DPP6: variants seen among roughly 807,000 people sequenced by gnomAD.
DPP6 encodes the protein dipeptidyl peptidase like 6.
DPP6 carries 69 observed loss-of-function variants against 122.6 expected under a neutral mutation model. The ratio of observed to expected loss-of-function variants is 0.56; its 90% CI spans 0.46 to 0.69. The LOEUF is 0.69. Ranked by LOEUF, DPP6 falls within the 30% of genes least tolerant of loss-of-function variation. The pLI, the probability that DPP6 is intolerant of heterozygous loss-of-function variation, is 0.00. For synonymous variants in DPP6, 418 were observed against 433.1 expected, an observed-to-expected ratio of 0.97 and a Z score of 0.43; for missense variants, 928 against 1,116.9, an observed-to-expected ratio of 0.83 and a Z score of 2.41.
intron 7 of DPP6, among the ~76,000 whole-genome samples, chr7:154,702,165 C>T (rs1840567823): frequency 1.3e-5 from 2 of 152,196 alleles, no homozygotes; most frequent in South Asian, 4.1e-4. Context: ...AGGTGGCAAA[C>T]GTAATAAACA....
rs527591471 is a variant in DPP6 at position 154,308,162 on chromosome 7, T to G, written c.244-138052T>G. On this transcript the variant is annotated intron_variant, in intron 1 of 25. Transcript: ENST00000377770. ...GTGAACAGAGGAAAGTGAGTTTCTTTACCAGCCTTGGTATTTGGAAACCAG... is the reference window on the plus strand; with the variant it reads ...GTGAACAGAGGAAAGTGAGTTTCTTGACCAGCCTTGGTATTTGGAAACCAG... Among the ~76,000 whole-genome samples, 11 of 152,250 alleles carry G rather than the reference T, an allele frequency of 7.2e-5. No individual in the cohort carries two copies. In the East Asian group the frequency reaches 1.7e-3, roughly 24 times the overall value.
chr7:154,888,477 C>T (rs1377204117), intron 23 of DPP6, among the ~76,000 whole-genome samples: 2 of 152,182 alleles, frequency 1.3e-5, no homozygotes, highest in East Asian at 1.9e-4. Context: ...CTGTCAGACA[C>T]GGCATTTCTC....
intron 2 of DPP6, among the ~76,000 whole-genome samples, chr7:154,467,076 G>C (rs147161848): frequency 5.5e-4 from 84 of 152,280 alleles, no homozygotes; most frequent in Non-Finnish European, 1.1e-3. Flanking sequence ...CAAAAAGGGA[G>C]AAAAAGGAGT....
the DPP6 span, among the ~76,000 whole-genome samples, chr7:153,851,061 A>G: frequency 6.6e-6 from 1 of 152,140 alleles, no homozygotes; most frequent in African/African-American, 2.4e-5. Context: ...TAACATTTCT[A>G]TTTACACCTA....
rs569157179 is a variant in DPP6 at position 154,688,840 on chromosome 7, C to T, written c.762+19399C>T. ...TTTTGGCAACACCCACACAGACACA[C>T]CCAAGATTAATACTTTGTATCCCTC... On this transcript the variant is annotated intron_variant, in intron 7 of 25. Transcript: ENST00000377770. Among the ~76,000 whole-genome samples the T allele has an allele frequency of 1.8e-3, 278 of 152,316 alleles. 1 individual carries two copies. The highest frequency in any genetic ancestry group is 0.014 in the Middle Eastern group (4 of 294).
chr7:154,603,656 CAAAAAAA>C lies in DPP6; in HGVS notation c.628-34144_628-34138del, dbSNP rs779501891. On this transcript the variant is annotated intron_variant, in intron 5 of 25. Transcript: ENST00000377770. ...GGGTGACGAGAGTGAAACTCTGTCT[CAAAAAAA>C]AAAAAAAAAAAAAAAAAAAATTATT... 1.3e-3 allele frequency among the ~76,000 whole-genome samples: 32 copies of C among 24,976 alleles called. 1 individual carries two copies. The highest frequency in any genetic ancestry group is 3.2e-3 in the African/African-American group (29 of 9,022). 16.4% of individuals were successfully genotyped at this position (24,976 alleles called of 152,430 possible).
At chr7:154,194,371 A>G (rs918110160) in intron 1 of DPP6, among the ~76,000 whole-genome samples, 1 of 152,236 alleles carries the variant, frequency 6.6e-6, no homozygotes, top group Non-Finnish European at 1.5e-5. Context: ...CTCTTTTTGA[A>G]CAGTTTTATT....
intron 3 of DPP6, among the ~76,000 whole-genome samples, chr7:154,522,322 C>T (rs1381891691): frequency 2.6e-5 from 4 of 152,172 alleles, no homozygotes; most frequent in African/African-American, 7.2e-5. Context: ...TAGTGAACCT[C>T]CCAGTCAGGT....
chr7:154,613,619 C>CAAAAAAAAAA (rs749561005), intron 5 of DPP6, among the ~76,000 whole-genome samples: 11 of 51,830 alleles, frequency 2.1e-4, no homozygotes, highest in African/African-American at 1.0e-3. Context: ...GACTCTGTCT[C>CAAAAAAAAAA]AAAAAAAAAA....
intron 7 of DPP6, among the ~76,000 whole-genome samples, chr7:154,673,297 G>A (rs2131124748): frequency 6.6e-6 from 1 of 152,334 alleles, no homozygotes; most frequent in Non-Finnish European, 1.5e-5. Flanking sequence ...AGAGCTTTGG[G>A]AACATGTAGC....
At chr7:154,499,579 C>A (rs1825049678) in intron 3 of DPP6, among the ~76,000 whole-genome samples, 3 of 152,014 alleles carry the variant, frequency 2.0e-5, no homozygotes, top group Admixed American at 2.0e-4. Context: ...TTTATAGGTC[C>A]TTTAGGACAC....
chr7:154,270,960 T>C (rs949744785), intron 1 of DPP6, among the ~76,000 whole-genome samples: 3 of 152,188 alleles, frequency 2.0e-5, no homozygotes, highest in African/African-American at 7.2e-5. Flanking sequence ...CCTTCACTTC[T>C]AAAAGCAAGG....
chr7:153,850,532 C>A, the DPP6 span, among the ~76,000 whole-genome samples: 2 of 152,156 alleles, frequency 1.3e-5, no homozygotes, highest in African/African-American at 2.4e-5. Context: ...CCTATTCATT[C>A]TCAAGGAGAA....
chr7:154,659,000 C>G (rs527926525), intron 6 of DPP6, among the ~76,000 whole-genome samples: 14 of 152,320 alleles, frequency 9.2e-5, no homozygotes, highest in African/African-American at 3.4e-4. Context: ...GGGATTGGAG[C>G]AGAGGATGAA....
rs374951635 is a variant in DPP6 at position 154,872,576 on chromosome 7, G to T, written c.1814-48G>T. 8.8e-5 allele frequency: 137 copies of T among 1,560,110 alleles called. 2 individuals are homozygous for T. In the East Asian group the frequency reaches 3.3e-3, roughly 37 times the overall value. ...CACCCAAGGGCATGCCCGATACCCCGTGGCCAGCATTGCCCCCTAACCCGT... is the reference window on the plus strand; with the variant it reads ...CACCCAAGGGCATGCCCGATACCCCTTGGCCAGCATTGCCCCCTAACCCGT... On this transcript the variant is annotated intron_variant, in intron 18 of 25. Transcript: ENST00000377770.
intron 1 of DPP6, among the ~76,000 whole-genome samples, chr7:154,227,414 G>A (rs1242883449): frequency 1.3e-5 from 2 of 152,014 alleles, no homozygotes; most frequent in Non-Finnish European, 2.9e-5. Flanking sequence ...AGGGAAAGTG[G>A]GGAGTTGCTC....
intron 1 of DPP6, among the ~76,000 whole-genome samples, chr7:154,369,752 C>G (rs920287474): frequency 2.6e-5 from 4 of 152,214 alleles, no homozygotes; most frequent in Admixed American, 2.0e-4. Context: ...CCCAGCTGGC[C>G]TCTCTGTGCC....
intron 1 of DPP6, among the ~76,000 whole-genome samples, chr7:154,397,992 A>G (rs1170698097): frequency 6.6e-6 from 1 of 152,184 alleles, no homozygotes; most frequent in Non-Finnish European, 1.5e-5. Context: ...TTCCCTAAAA[A>G]TACATTTCTA....
At chr7:153,983,158 C>T (rs145421156) in intron 1 of DPP6, among the ~76,000 whole-genome samples, 1,987 of 152,330 alleles carry the variant, frequency 0.013, 42 homozygotes, top group African/African-American at 0.045. Flanking sequence ...CCGCCCCTTC[C>T]CAAAGGTGCT....
Sources: allele counts gnomAD v4.1 joint callset (sites outside exome capture counted in the v4.1 genomes callset), GRCh38; gene constraint gnomAD v4.1.1; transcripts MANE v1.5; gene names NCBI Gene and HGNC (gene_info 2026-07-23, HGNC 2026-07-21).